NBAS: variants seen among roughly 807,000 people sequenced by gnomAD.
The protein encoded by NBAS is NAG/BC035112 fusion.
NBAS carries 219 observed loss-of-function variants against 302.5 expected under a neutral mutation model. That is an observed-to-expected ratio of 0.72 (90% CI 0.65 to 0.81). The LOEUF is 0.81. NBAS is among the 30% of genes least tolerant of loss of function. The probability of loss-of-function intolerance (pLI) is 0.00; values close to 1 mark genes in which losing one functional copy is unlikely to be tolerated. For synonymous variants in NBAS, 1,118 were observed against 1,021.6 expected (o/e 1.09, Z -1.80); for missense variants, 2,932 against 2,841.6 (o/e 1.03, Z -0.72).
Position 15,353,539 on chromosome 2 carries a change from A to G in NBAS, c.4089+14T>C, listed in dbSNP as rs1673468556. The G allele has an allele frequency of 1.9e-6, 3 of 1,613,788 alleles. No homozygotes were observed. The highest frequency in any genetic ancestry group is 2.5e-6 in the Non-Finnish European group (3 of 1,179,888). On this transcript the variant is annotated intron_variant, in intron 34 of 51. Transcript: ENST00000281513. Reference sequence around the variant, plus strand: ...CGTCATACAGGTTAGGATTTCCTTTATCGAAGGACTTACTTCTGTCTGCAG... The same window carrying G: ...CGTCATACAGGTTAGGATTTCCTTTGTCGAAGGACTTACTTCTGTCTGCAG...
At chr2:15,486,408 A>G (rs1334322390) in intron 12 of NBAS, among the ~76,000 whole-genome samples, 1 of 152,196 alleles carries the variant, frequency 6.6e-6, no homozygotes, top group Non-Finnish European at 1.5e-5. Context: ...TGATTGACAG[A>G]TCAATTTAAA....
intron 4 of NBAS, 106 bp from the exon 5 acceptor site, chr2:15,553,579 G>C: frequency 9.5e-7 from 1 of 1,047,144 alleles, no homozygotes; most frequent in East Asian, 2.5e-5. Flanking sequence ...TTTTAAATTT[G>C]TTCACATGCT....
At chr2:15,475,568 T>G (rs981011662) in intron 14 of NBAS, 119 bp downstream of exon 14, 8 of 1,061,200 alleles carry the variant, frequency 7.5e-6, no homozygotes, top group Non-Finnish European at 1.1e-5. Flanking sequence ...ATTACCTGAT[T>G]CCAATCACAG....
the NBAS span, among the ~76,000 whole-genome samples, chr2:15,033,608 C>A: frequency 6.6e-6 from 1 of 151,944 alleles, no homozygotes; most frequent in Non-Finnish European, 1.5e-5. Flanking sequence ...GGGGATAGGG[C>A]CTTTGGGAGA....
the NBAS span, among the ~76,000 whole-genome samples, chr2:14,912,895 TC>T: frequency 1.3e-5 from 2 of 152,286 alleles, no homozygotes; most frequent in East Asian, 3.9e-4. Flanking sequence ...GACTGAAATT[TC>T]CCAAGAGCAT....
chr2:15,129,527 C>T, the NBAS span, among the ~76,000 whole-genome samples: 1 of 152,242 alleles, frequency 6.6e-6, no homozygotes, highest in Non-Finnish European at 1.5e-5. Flanking sequence ...ATTTCACATC[C>T]TTTCCCCTCA....
At chr2:15,456,510 G>A (rs1298136320) in intron 21 of NBAS, among the ~76,000 whole-genome samples, 1 of 152,192 alleles carries the variant, frequency 6.6e-6, no homozygotes, top group African/African-American at 2.4e-5. Context: ...ACTAGGCACT[G>A]TTCTCAGTAC....
At chr2:15,315,840 A>G (rs1671483702) in intron 38 of NBAS, among the ~76,000 whole-genome samples, 1 of 152,140 alleles carries the variant, frequency 6.6e-6, no homozygotes, top group Non-Finnish European at 1.5e-5. Context: ...TAGGGAACTG[A>G]TGGGAACAGT....
the NBAS span, among the ~76,000 whole-genome samples, chr2:14,965,511 A>G: frequency 6.6e-6 from 1 of 152,230 alleles, no homozygotes; most frequent in African/African-American, 2.4e-5. Context: ...AATATCTATT[A>G]AAGAAAGTGA....
At chr2:15,170,455 G>A (rs10179243) in intron 51 of NBAS, among the ~76,000 whole-genome samples, 44,435 of 152,028 alleles carry the variant, frequency 0.29, 7,161 homozygotes, top group African/African-American at 0.44. Flanking sequence ...CCTTGGCCCC[G>A]GCCCACTCAG....
the NBAS span, among the ~76,000 whole-genome samples, chr2:14,865,133 A>G: frequency 1.3e-5 from 2 of 152,200 alleles, no homozygotes; most frequent in Admixed American, 1.3e-4. Context: ...TAGAGCTTAG[A>G]TAAGTCACTC....
At chr2:14,981,995 C>T in the NBAS span, among the ~76,000 whole-genome samples, 1 of 152,172 alleles carries the variant, frequency 6.6e-6, no homozygotes, top group Non-Finnish European at 1.5e-5. Context: ...TAGTGATTTT[C>T]TTGAACAAAT....
At chr2:15,207,163 C>T (rs1335235970) in intron 48 of NBAS, among the ~76,000 whole-genome samples, 1 of 152,202 alleles carries the variant, frequency 6.6e-6, no homozygotes, top group African/African-American at 2.4e-5. Flanking sequence ...CTACATCTTG[C>T]ATGACCGAGC....
intron 51 of NBAS, chr2:15,178,255 A>T: frequency 2.2e-6 from 1 of 446,532 alleles, no homozygotes; most frequent in Non-Finnish European, 4.5e-6. Flanking sequence ...ATGTATGTGT[A>T]TGTGTATAGT....
chr2:15,341,831 G>A (rs1232376071), intron 35 of NBAS, among the ~76,000 whole-genome samples: 1 of 152,084 alleles, frequency 6.6e-6, no homozygotes. Context: ...ATGACAATGA[G>A]CAAAGTATTT....
chr2:14,814,764 CA>C, the NBAS span, among the ~76,000 whole-genome samples: 8 of 152,066 alleles, frequency 5.3e-5, no homozygotes, highest in African/African-American at 1.9e-4. Flanking sequence ...GCAATGTGAG[CA>C]GTACATGAAA....
the NBAS span, among the ~76,000 whole-genome samples, chr2:14,897,033 C>T: frequency 2.0e-5 from 3 of 150,802 alleles, no homozygotes; most frequent in African/African-American, 2.4e-5. Flanking sequence ...AGCAGTAATT[C>T]GTGAGCCCCT....
At chr2:15,069,259 GAC>G in the NBAS span, among the ~76,000 whole-genome samples, 18 of 152,178 alleles carry the variant, frequency 1.2e-4, no homozygotes, top group Non-Finnish European at 2.4e-4. Context: ...CTTTAAGTCT[GAC>G]TTGTCAAAAC....
At chr2:15,245,086 A>G (rs946708375) in intron 44 of NBAS, among the ~76,000 whole-genome samples, 7 of 152,056 alleles carry the variant, frequency 4.6e-5, no homozygotes, top group Non-Finnish European at 1.0e-4. Flanking sequence ...TTACTCCAGC[A>G]CTACCCAGCA....
Sources: allele counts gnomAD v4.1 joint callset (sites outside exome capture counted in the v4.1 genomes callset), GRCh38; gene constraint gnomAD v4.1.1; transcripts MANE v1.5; gene names NCBI Gene and HGNC (gene_info 2026-07-23, HGNC 2026-07-21).